The following CACNA1A variants were observed in gnomAD, a reference collection of about 807,000 sequenced individuals.
CACNA1A encodes calcium voltage-gated channel subunit alpha1 A.
A neutral mutation model predicts 262.4 loss-of-function variants in CACNA1A; 57 were observed. The ratio of observed to expected loss-of-function variants is 0.22; its 90% confidence interval spans 0.18 to 0.27. CACNA1A has a LOEUF of 0.27. Ranked by LOEUF, CACNA1A falls within the 10% of genes least tolerant of loss-of-function variation. The probability of loss-of-function intolerance (pLI) is 1.00; values close to 1 mark genes in which losing one functional copy is unlikely to be tolerated. For synonymous variants in CACNA1A, 1,431 were observed against 1,419.3 expected (o/e 1.01, Z -0.18); for missense variants, 2,526 against 3,562.8 (o/e 0.71, Z 7.41).
intron 34 of CACNA1A, among the ~76,000 whole-genome samples, chr19:13,234,454 T>C (rs1028844826): frequency 6.8e-6 from 1 of 146,764 alleles, no homozygotes; most frequent in Non-Finnish European, 1.5e-5. Context: ...GAATCAAGCC[T>C]CACGGTCTGT....
chr19:13,441,575 G>A (rs939206180), intron 3 of CACNA1A, among the ~76,000 whole-genome samples: 8 of 151,566 alleles, frequency 5.3e-5, no homozygotes, highest in African/African-American at 1.9e-4. Flanking sequence ...GCTGAGGTGG[G>A]AGTGCTTGAA....
intron 3 of CACNA1A, among the ~76,000 whole-genome samples, chr19:13,372,347 A>G (rs1037270311): frequency 4.6e-5 from 7 of 151,624 alleles, no homozygotes; most frequent in African/African-American, 1.7e-4. Context: ...TTTTTTTTGT[A>G]TTTTTGTAGA....
At chr19:13,290,744 TATATACATACAC>T (rs1180190486) in intron 19 of CACNA1A, among the ~76,000 whole-genome samples, 1 of 150,982 alleles carries the variant, frequency 6.6e-6, no homozygotes, top group African/African-American at 2.5e-5. Context: ...TATGTGTATA[TATATACATACAC>T]ATATATATAC....
At chr19:13,338,471 C>A (rs1409474948) in intron 6 of CACNA1A, among the ~76,000 whole-genome samples, 2 of 152,166 alleles carry the variant, frequency 1.3e-5, no homozygotes, top group Non-Finnish European at 2.9e-5. Context: ...AGAAAGCACA[C>A]ACAAGAACAT....
intron 10 of CACNA1A, among the ~76,000 whole-genome samples, chr19:13,318,365 G>A (rs1041772983): frequency 6.6e-6 from 1 of 152,172 alleles, no homozygotes; most frequent in African/African-American, 2.4e-5. Context: ...TGGTTGAGGG[G>A]AAAAGAGGAA....
intron 1 of CACNA1A, among the ~76,000 whole-genome samples, chr19:13,456,178 GTAAA>G (rs1402808869): frequency 6.6e-6 from 1 of 151,634 alleles, no homozygotes; most frequent in East Asian, 1.9e-4. Flanking sequence ...AAATAAATAA[GTAAA>G]TAAATAAATA....
rs116592915 is a variant in CACNA1A at position 13,409,298 on chromosome 19, T to C, written c.540-37519A>G. ...TGGCAAGAGGAAGATGAGGTCATGG[T>C]AGGAGATATGGTAAGGCAGTAGTAG... is the stretch of plus-strand genomic sequence containing the variant. On this transcript the variant is annotated intron_variant, in intron 3 of 46. Coordinates refer to ENST00000360228, the MANE Select transcript of CACNA1A (RefSeq NM_001127222.2). Among the ~76,000 whole-genome samples, 384 of 151,540 alleles carry C rather than the reference T, an allele frequency of 2.5e-3. 1 individual carries two copies. The highest frequency in any genetic ancestry group is 8.6e-3 in the African/African-American group (355 of 41,250).
intron 24 of CACNA1A, chr19:13,275,509 G>A (rs1236399106): frequency 1.6e-5 from 5 of 321,992 alleles, no homozygotes; most frequent in South Asian, 3.7e-5. Context: ...AAGAGACAGC[G>A]GTTTGGGCGG....
intron 15 of CACNA1A, among the ~76,000 whole-genome samples, chr19:13,304,170 A>C (rs2057849400): frequency 1.3e-5 from 2 of 152,044 alleles, no homozygotes; most frequent in East Asian, 3.9e-4. Flanking sequence ...GTCTTACTTG[A>C]TGTGATTAAG....
intron 44 of CACNA1A, among the ~76,000 whole-genome samples, chr19:13,210,044 CCTT>C (rs1338817033): frequency 6.6e-6 from 1 of 152,090 alleles, no homozygotes; most frequent in Non-Finnish European, 1.5e-5. Flanking sequence ...AAGTCTGAGT[CCTT>C]CTGGTGAGGC....
chr19:13,219,223 G>T (rs1006271284), intron 38 of CACNA1A, among the ~76,000 whole-genome samples: 2 of 149,502 alleles, frequency 1.3e-5, no homozygotes, highest in Non-Finnish European at 3.0e-5. Flanking sequence ...TGTATTTTTA[G>T]TAGAGACAGG....
chr19:13,371,471 C>T, intron 4 of CACNA1A: 2 of 553,538 alleles, frequency 3.6e-6, no homozygotes. Context: ...ACAGTAGGTG[C>T]TCAATAAATG....
At chr19:13,390,157 C>A (rs745663717) in intron 3 of CACNA1A, among the ~76,000 whole-genome samples, 12 of 151,950 alleles carry the variant, frequency 7.9e-5, no homozygotes, top group Non-Finnish European at 1.3e-4. Context: ...CACTCTGTCA[C>A]CCAGACTGGA....
chr19:13,454,338 C>A (rs2060967016), intron 2 of CACNA1A, among the ~76,000 whole-genome samples: 1 of 151,644 alleles, frequency 6.6e-6, no homozygotes, highest in African/African-American at 2.4e-5. Flanking sequence ...ATCTCTTCAT[C>A]TGTATCCTTT....
chr19:13,452,783 C>T lies in CACNA1A; in HGVS notation c.539+93G>A, dbSNP rs1056053175. On this transcript the variant is annotated intron_variant, in intron 3 of 46. Coordinates refer to ENST00000360228, the MANE Select transcript of CACNA1A (RefSeq NM_001127222.2). ...CAAGGGGAGGGAGAACACAAGGGCTCAGCCTTCCTGAGCCTGGCCCGGACC... is the reference window on the plus strand; with the variant it reads ...CAAGGGGAGGGAGAACACAAGGGCTTAGCCTTCCTGAGCCTGGCCCGGACC... 9 of 1,241,596 alleles carry T rather than the reference C, an allele frequency of 7.2e-6. No homozygotes were observed. In the East Asian group the frequency reaches 1.4e-4, roughly 20 times the overall value. 76.9% of individuals were successfully genotyped at this position (1,241,596 alleles called of 1,614,324 possible). A position where few individuals can be genotyped will look rare whatever the true frequency, so the allele number is the denominator to read the frequency against.
chr19:13,344,927 T>C (rs982184391), intron 6 of CACNA1A, among the ~76,000 whole-genome samples: 4 of 150,394 alleles, frequency 2.7e-5, no homozygotes, highest in Admixed American at 6.7e-5. Flanking sequence ...GCTAATTTTT[T>C]TGTATTTTTT....
chr19:13,223,537 C>T (rs2055315510), intron 38 of CACNA1A, among the ~76,000 whole-genome samples: 1 of 152,200 alleles, frequency 6.6e-6, no homozygotes, highest in Admixed American at 6.5e-5. Context: ...ATGATATCAG[C>T]AGCCCCCACA....
chr19:13,342,422 G>A (rs758058346), intron 6 of CACNA1A, among the ~76,000 whole-genome samples: 6 of 152,158 alleles, frequency 3.9e-5, no homozygotes, highest in Non-Finnish European at 8.8e-5. Flanking sequence ...AGTGGGGGAG[G>A]ATGGCTTGCT....
chr19:13,235,565 G>T, intron 32 of CACNA1A, 49 bp downstream of exon 32: 2 of 1,272,048 alleles, frequency 1.6e-6, no homozygotes, highest in Non-Finnish European at 2.3e-6. Flanking sequence ...AGAGCATGAG[G>T]GTCACCTGTC....
Sources: allele counts gnomAD v4.1 joint callset (sites outside exome capture counted in the v4.1 genomes callset), GRCh38; gene constraint gnomAD v4.1.1; transcripts MANE v1.5; gene names NCBI Gene and HGNC (gene_info 2026-07-23, HGNC 2026-07-21).